CALN1: variants seen among roughly 807,000 people sequenced by gnomAD.
The protein encoded by CALN1 is calneuron 1.
A neutral mutation model predicts 30.6 loss-of-function variants in CALN1; 17 were observed. That is an observed-to-expected ratio of 0.56 (90% CI 0.38 to 0.83). The LOEUF (loss-of-function observed/expected upper bound fraction) is 0.83, where lower values mean the gene tolerates loss of function less well. Among genes scored for constraint, CALN1 ranks in the 40% least tolerant of loss-of-function variants. CALN1 has a pLI of 0.00. For synonymous variants in CALN1, 156 were observed against 131.4 expected (o/e 1.19, Z -1.28); for missense variants, 291 against 354.9 (o/e 0.82, Z 1.45).
In CALN1 at chr7:71,810,456, G is replaced by A; in HGVS notation, c.538C>T (p.His180Tyr). 1 of 1,614,062 alleles carries A rather than the reference G, an allele frequency of 6.2e-7. No homozygotes were observed. The highest frequency in any genetic ancestry group is 8.5e-7 in the Non-Finnish European group (1 of 1,179,978). The change falls in exon 6 of 7, where the codon CAC (histidine) becomes TAC (tyrosine). Residue 180 changes from histidine (H) to tyrosine (Y), a missense_variant. This residue lies in a region of CALN1 where 169 missense variants were observed against 251.7 expected (regional missense o/e 0.67). Transcript: ENST00000395275. The part of the protein sequence containing the change: ...MQRITLEELK[H>Y]ILYHAFRDHL... ...TCTCGGAAGGCATGATAGAGAATGT[G>A]CTTCAACTCTTCCAGAGTTATCCTT...
chr7:71,815,682 T>C (rs1788216828), intron 5 of CALN1, among the ~76,000 whole-genome samples: 1 of 152,086 alleles, frequency 6.6e-6, no homozygotes, highest in Non-Finnish European at 1.5e-5. Flanking sequence ...TTTTAGACTC[T>C]TTTTTCCCTC....
At chr7:72,166,298 C>T (rs1157454476) in intron 3 of CALN1, among the ~76,000 whole-genome samples, 3 of 152,172 alleles carry the variant, frequency 2.0e-5, no homozygotes, top group Non-Finnish European at 4.4e-5. Context: ...AACTCCTAGG[C>T]TCAAGCAATC....
intron 4 of CALN1, among the ~76,000 whole-genome samples, chr7:72,052,878 C>T (rs774643881): frequency 1.3e-5 from 2 of 151,018 alleles, no homozygotes; most frequent in Non-Finnish European, 3.0e-5. Context: ...GCCTGTAATG[C>T]CAGCACTTTG....
intron 2 of CALN1, among the ~76,000 whole-genome samples, chr7:72,387,233 AAGGGAGGGGAGGGAGGG>A (rs1805270083): frequency 1.8e-5 from 1 of 56,934 alleles, no homozygotes; most frequent in Non-Finnish European, 3.2e-5. Context: ...GAAGGAAGGG[AAGGGAGGGGAGGGAGGG>A]AGGGAGGAAG....
At chr7:72,077,672 T>G (rs1482177839) in intron 4 of CALN1, among the ~76,000 whole-genome samples, 1 of 152,194 alleles carries the variant, frequency 6.6e-6, no homozygotes, top group Non-Finnish European at 1.5e-5. Flanking sequence ...TGTGTGTATA[T>G]GTGTTTGCAA....
At chr7:71,955,600 A>G (rs1038578234) in intron 5 of CALN1, among the ~76,000 whole-genome samples, 2 of 152,096 alleles carry the variant, frequency 1.3e-5, no homozygotes, top group Admixed American at 6.6e-5. Flanking sequence ...CCACTGGTCT[A>G]AGTGGAAAAT....
At chr7:71,809,582 T>G (rs1422545543) in intron 6 of CALN1, among the ~76,000 whole-genome samples, 1 of 152,116 alleles carries the variant, frequency 6.6e-6, no homozygotes, top group East Asian at 1.9e-4. Flanking sequence ...TTAAAAATTT[T>G]TTTTCTATAC....
chr7:72,020,856 T>C lies in CALN1; in HGVS notation c.501+2801A>G, dbSNP rs185169687. On this transcript the variant is annotated intron_variant, in intron 5 of 6. Transcript: ENST00000395275. ...CTGGAAGACAGGAGGAGTAGGAGTG[T>C]AGATTAAGTAGCCATAGCTCCTTCT... Among the ~76,000 whole-genome samples, 105 of 152,240 alleles carry C rather than the reference T, an allele frequency of 6.9e-4. 1 individual carries two copies. The highest frequency in any genetic ancestry group is 6.9e-3 in the Admixed American group (105 of 15,288).
intron 4 of CALN1, among the ~76,000 whole-genome samples, chr7:72,042,906 T>C (rs1802219960): frequency 6.6e-6 from 1 of 152,166 alleles, no homozygotes; most frequent in Admixed American, 6.5e-5. Context: ...ACCTTGCAAA[T>C]GTGCCATCCT....
intron 2 of CALN1, among the ~76,000 whole-genome samples, chr7:72,302,887 G>A (rs1273811909): frequency 1.1e-5 from 1 of 87,270 alleles, no homozygotes; most frequent in Non-Finnish European, 2.2e-5. Context: ...GAGAGAGTGA[G>A]GGTCTCAAAA....
chr7:72,487,075 G>C, the CALN1 span, among the ~76,000 whole-genome samples: 1 of 152,092 alleles, frequency 6.6e-6, no homozygotes, highest in African/African-American at 2.4e-5. Context: ...TCTGGAGATA[G>C]GGTCTTGTTC....
intron 5 of CALN1, among the ~76,000 whole-genome samples, chr7:71,818,597 TG>T (rs765070804): frequency 6.6e-5 from 10 of 151,996 alleles, no homozygotes; most frequent in Admixed American, 2.0e-4. Flanking sequence ...CTTGAATTCC[TG>T]TGCTCAAGTG....
At chr7:71,908,136 C>G (rs1794239917) in intron 5 of CALN1, among the ~76,000 whole-genome samples, 1 of 152,178 alleles carries the variant, frequency 6.6e-6, no homozygotes, top group South Asian at 2.1e-4. Flanking sequence ...CTCCAGTGAG[C>G]TCAGATCAAA....
intron 5 of CALN1, among the ~76,000 whole-genome samples, chr7:71,994,847 T>C (rs772141450): frequency 7.0e-6 from 1 of 143,784 alleles, no homozygotes; most frequent in Admixed American, 7.0e-5. Context: ...GGCTGCCCCT[T>C]CCTATTTTTT....
intron 2 of CALN1, among the ~76,000 whole-genome samples, chr7:72,368,132 T>TA (rs1428259853): frequency 1.3e-4 from 20 of 151,560 alleles, no homozygotes; most frequent in African/African-American, 4.9e-4. Context: ...AAAAAATACA[T>TA]ATCTGTATCT....
chr7:71,913,159 A>T (rs765285969), intron 5 of CALN1, among the ~76,000 whole-genome samples: 1 of 152,198 alleles, frequency 6.6e-6, no homozygotes, highest in African/African-American at 2.4e-5. Context: ...GCAGCTGATG[A>T]CTTTCACCAG....
At chr7:71,896,233 G>T (rs1392898681) in intron 5 of CALN1, among the ~76,000 whole-genome samples, 1 of 152,120 alleles carries the variant, frequency 6.6e-6, no homozygotes, top group Non-Finnish European at 1.5e-5. Context: ...ACATTTCTTT[G>T]CAGGGCACCA....
rs752001643 is a variant in CALN1, at chr7:72,066,495, C to CT, written c.388+39655dup. Among the ~76,000 whole-genome samples, 295 of 147,586 alleles carry CT rather than the reference C, an allele frequency of 2.0e-3. 1 individual carries two copies. Among genetic ancestry groups the CT allele is most frequent in the South Asian group, 7.3e-3 (34 of 4,674 alleles). ...GCACTCATTTTCCTTTTTTTCAGTA[C>CT]TTTTTTTTTTTGATAAAAGTGAATG... On this transcript the variant is annotated intron_variant, in intron 4 of 6. Coordinates refer to ENST00000395275, the MANE Select transcript of CALN1 (RefSeq NM_031468.4).
intron 4 of CALN1, among the ~76,000 whole-genome samples, chr7:72,041,066 A>C (rs1802094108): frequency 6.6e-6 from 1 of 152,154 alleles, no homozygotes; most frequent in Non-Finnish European, 1.5e-5. Context: ...CTACTGTATT[A>C]TTCTTCAGCT....
Sources: gnomAD v4.1 joint callset for allele counts (sites outside exome capture counted in the v4.1 genomes callset) on GRCh38, gnomAD v4.1.1 for gene constraint, gnomAD v4.1.1 regional missense constraint, MANE v1.5 for transcripts, NCBI Gene and HGNC (gene_info 2026-07-23, HGNC 2026-07-21) for gene names.